DLG2: variants seen among roughly 807,000 people sequenced by gnomAD.
DLG2 encodes disks large homolog 2.
A neutral mutation model predicts 132.5 loss-of-function variants in DLG2; 45 were observed. The ratio of observed to expected loss-of-function variants is 0.34; its 90% CI spans 0.27 to 0.44. The LOEUF (loss-of-function observed/expected upper bound fraction) is 0.44. Among genes scored for constraint, DLG2 ranks in the 20% least tolerant of loss-of-function variants. The pLI, the probability that DLG2 is intolerant of heterozygous loss-of-function variation, is 1.00. For missense variants in DLG2, 1,045 were observed against 1,196.9 expected (o/e 0.87, Z 1.87); for synonymous variants, 424 against 419.6 (o/e 1.01, Z -0.13).
chr11:85,439,611 G>A (rs190617282), intron 3 of DLG2, among the ~76,000 whole-genome samples: 2 of 152,062 alleles, frequency 1.3e-5, no homozygotes, highest in East Asian at 1.9e-4. Context: ...TACCCGCCTC[G>A]GCCTCCCAAA....
At chr11:83,891,267 T>G (rs1455348292) in intron 15 of DLG2, among the ~76,000 whole-genome samples, 1 of 151,542 alleles carries the variant, frequency 6.6e-6, no homozygotes, top group Non-Finnish European at 1.5e-5. Context: ...AAAAAAAGAC[T>G]AAGAAGGAGA....
intron 6 of DLG2, among the ~76,000 whole-genome samples, chr11:84,722,376 G>A (rs1183997053): frequency 6.6e-6 from 1 of 152,114 alleles, no homozygotes. Flanking sequence ...ATCATGGTAT[G>A]CTTCCTCCTT....
intron 3 of DLG2, among the ~76,000 whole-genome samples, chr11:85,544,083 G>C (rs2076145088): frequency 6.6e-6 from 1 of 152,106 alleles, no homozygotes; most frequent in Non-Finnish European, 1.5e-5. Flanking sequence ...TGTCCTGAAT[G>C]GTATTGCCAA....
intron 2 of DLG2, among the ~76,000 whole-genome samples, chr11:85,600,707 A>G (rs1385070027): frequency 6.6e-6 from 1 of 152,238 alleles, no homozygotes. Context: ...AAATGAAAAT[A>G]AAACAACAAA....
At chr11:84,483,756 C>T (rs1016898492) in intron 7 of DLG2, among the ~76,000 whole-genome samples, 4 of 152,176 alleles carry the variant, frequency 2.6e-5, no homozygotes, top group Non-Finnish European at 5.9e-5. Context: ...TTATGTAAAT[C>T]ATCTGAAAGA....
intron 11 of DLG2, among the ~76,000 whole-genome samples, chr11:84,019,274 T>C (rs569264798): frequency 1.3e-5 from 2 of 152,210 alleles, no homozygotes; most frequent in Admixed American, 6.6e-5. Flanking sequence ...GAGTTTGAGC[T>C]CTTAACCAGG....
chr11:84,206,145 C>T (rs898567087), intron 8 of DLG2, among the ~76,000 whole-genome samples: 1 of 151,972 alleles, frequency 6.6e-6, no homozygotes, highest in Non-Finnish European at 1.5e-5. Flanking sequence ...TTTCAATGGA[C>T]ACAAACTACC....
chr11:85,030,275 C>T (rs1326808874), intron 6 of DLG2, among the ~76,000 whole-genome samples: 14 of 152,112 alleles, frequency 9.2e-5, no homozygotes, highest in Non-Finnish European at 2.1e-4. Flanking sequence ...CACATAGGTT[C>T]GCTAAGTCAG....
chr11:85,364,681 A>C (rs1050921678), intron 3 of DLG2, among the ~76,000 whole-genome samples: 3 of 152,202 alleles, frequency 2.0e-5, no homozygotes, highest in African/African-American at 7.2e-5. Context: ...GGGGAACATA[A>C]ACTAGACAGA....
intron 3 of DLG2, among the ~76,000 whole-genome samples, chr11:85,456,193 G>C (rs929731665): frequency 1.4e-4 from 21 of 152,046 alleles, no homozygotes; most frequent in Non-Finnish European, 2.9e-4. Flanking sequence ...GTTCACTCTT[G>C]GGAGGTTGTA....
At chr11:85,513,777 C>G (rs532389705) in intron 3 of DLG2, among the ~76,000 whole-genome samples, 2 of 152,032 alleles carry the variant, frequency 1.3e-5, no homozygotes, top group African/African-American at 2.4e-5. Context: ...AAAAAAATAA[C>G]AACACCTATT....
At chr11:85,508,367 C>T (rs1421155905) in intron 3 of DLG2, among the ~76,000 whole-genome samples, 1 of 152,056 alleles carries the variant, frequency 6.6e-6, no homozygotes, top group Non-Finnish European at 1.5e-5. Context: ...AAGGCCCTTG[C>T]ACTTGCTATT....
chr11:83,494,200 C>T (rs2094023669), intron 21 of DLG2, among the ~76,000 whole-genome samples: 1 of 151,568 alleles, frequency 6.6e-6, no homozygotes, highest in South Asian at 2.1e-4. Flanking sequence ...AATAAAACTG[C>T]TATCTGAGTT....
At chr11:84,703,857 G>GATAT (rs5793132) in intron 6 of DLG2, among the ~76,000 whole-genome samples, 2,318 of 102,618 alleles carry the variant, frequency 0.023, 66 homozygotes, top group African/African-American at 0.035. Flanking sequence ...ATGTAGTGAA[G>GATAT]ATATATATAT....
chr11:84,673,299 G>C (rs2099707901), intron 6 of DLG2, among the ~76,000 whole-genome samples: 2 of 152,052 alleles, frequency 1.3e-5, no homozygotes, highest in South Asian at 2.1e-4. Flanking sequence ...TATTATTTGA[G>C]GTTTAAATTA....
At chr11:84,984,966 G>C (rs555944308) in intron 6 of DLG2, among the ~76,000 whole-genome samples, 7 of 152,224 alleles carry the variant, frequency 4.6e-5, no homozygotes, top group Admixed American at 4.6e-4. Context: ...GCTAACACTG[G>C]AGCTCCCAAA....
rs577314620 is a variant in DLG2, at chr11:84,911,387, C to T, written c.357+200274G>A. On this transcript the variant is annotated intron_variant, in intron 6 of 27. Transcript: ENST00000376104. ...GGAGTTTTATGACTTAATTATATCC[C>T]ATTAAATATTTTAACCTGTATTTAT... is the stretch of plus-strand genomic sequence containing the variant. Among the ~76,000 whole-genome samples the T allele has an allele frequency of 1.5e-4, 22 of 151,640 alleles. No homozygotes were observed. The South Asian group carries it at 4.4e-3, about 30-fold the overall frequency.
At chr11:83,914,863 T>C (rs1025690731) in intron 15 of DLG2, among the ~76,000 whole-genome samples, 7 of 152,126 alleles carry the variant, frequency 4.6e-5, no homozygotes, top group African/African-American at 1.7e-4. Flanking sequence ...CAAGATCTAA[T>C]TGTAGATATA....
intron 11 of DLG2, among the ~76,000 whole-genome samples, chr11:83,998,861 G>T (rs2094186850): frequency 1.3e-5 from 2 of 152,132 alleles, no homozygotes; most frequent in African/African-American, 4.8e-5. Context: ...TAATCCCTGG[G>T]TCTGAGCCAT....
Sources: gnomAD v4.1 joint callset for allele counts (sites outside exome capture counted in the v4.1 genomes callset) on GRCh38, gnomAD v4.1.1 for gene constraint, MANE v1.5 for transcripts, NCBI Gene and HGNC (gene_info 2026-07-23, HGNC 2026-07-21) for gene names.